EFCAB7: variants seen among roughly 807,000 people sequenced by gnomAD.
EFCAB7 encodes EF-hand calcium-binding domain-containing protein 7.
In EFCAB7, 66 loss-of-function variants were observed where a neutral mutation model predicts 77.1. The observed-to-expected ratio is 0.86, with a 90% CI of 0.70 to 1.05. EFCAB7 has a LOEUF of 1.05. Among genes scored for constraint, EFCAB7 ranks in the 50% least tolerant of loss-of-function variants. The pLI, the probability that EFCAB7 is intolerant of heterozygous loss-of-function variation, is 0.00. For missense variants in EFCAB7, 638 were observed against 730.5 expected (o/e 0.87, Z 1.46); for synonymous variants, 225 against 243.3 (o/e 0.92, Z 0.70).
At chr1:63,561,388 C>G (rs1427931323) in intron 10 of EFCAB7, among the ~76,000 whole-genome samples, 1 of 152,096 alleles carries the variant, frequency 6.6e-6, no homozygotes, top group Non-Finnish European at 1.5e-5. Flanking sequence ...AACGTATGCT[C>G]TAAATAACCA....
chr1:63,580,307 C>T, the EFCAB7 span, among the ~76,000 whole-genome samples: 14 of 152,070 alleles, frequency 9.2e-5, no homozygotes, highest in Admixed American at 5.2e-4. Flanking sequence ...CCAATATCAT[C>T]GGTTGAAAAG....
Position 63,555,460 on chromosome 1 carries a change from G to A in EFCAB7, c.1159G>A (p.Ala387Thr). The change falls in exon 9 of 14, where the codon GCC (alanine) becomes ACC (threonine). Residue 387 changes from alanine to threonine, a missense_variant. Ala to Thr is a moderately conservative substitution (Grantham distance 58). Coordinates refer to ENST00000371088, the MANE Select transcript of EFCAB7 (RefSeq NM_032437.4). ...AAAAATAAAACCAGTAACAGATGAA[G>A]CCCAACTTGTATATAGAGATGAAAC... is the stretch of plus-strand genomic sequence containing the variant. ...RKKIKPVTDEAQLVYRDETGE... is the reference protein window; with the variant it reads ...RKKIKPVTDETQLVYRDETGE... 6.2e-7 allele frequency: 1 copy of A among 1,613,936 alleles called. No individual in the cohort carries two copies. The highest frequency in any genetic ancestry group is 8.5e-7 in the Non-Finnish European group (1 of 1,179,922).
chr1:63,544,605 G>GT (rs757494558), intron 6 of EFCAB7, among the ~76,000 whole-genome samples: 2 of 151,618 alleles, frequency 1.3e-5, no homozygotes. Flanking sequence ...TAAAGACGGG[G>GT]TTTCACCATG....
At chr1:63,568,141 A>G (rs373466951) in intron 11 of EFCAB7, among the ~76,000 whole-genome samples, 169 bp from the exon 12 acceptor site, 5 of 152,188 alleles carry the variant, frequency 3.3e-5, no homozygotes, top group East Asian at 1.9e-4. Context: ...CCAAAAAGTC[A>G]GGATTTCATG....
rs1647193521 is a variant in EFCAB7, at chr1:63,568,373, A to G, written c.1561A>G (p.Met521Val). 3 of 1,597,850 alleles carry G rather than the reference A, an allele frequency of 1.9e-6. No individual in the cohort carries two copies. The highest frequency in any genetic ancestry group is 1.8e-5 in the Admixed American group (1 of 56,418). Residue 521 changes from methionine to valine, a missense_variant, in exon 12 of 14, where the codon ATG becomes GTG. Physicochemically the swap from Met to Val is conservative, Grantham distance 21. Coordinates refer to ENST00000371088, the MANE Select transcript of EFCAB7 (RefSeq NM_032437.4). ...CAAGCCAAAAATTAAAGCTGTCCAT[A>G]TGGAGGCATGTAGTGGACAACTTGA... ...KCKPKIKAVH[M>V]EACSGQLEKA...
At chr1:63,527,904 A>T (rs1474581914) in intron 2 of EFCAB7, 1 of 152,216 alleles carries the variant, frequency 6.6e-6, no homozygotes, top group African/African-American at 2.4e-5. Context: ...TGAACAGAAG[A>T]TATAATTTTC....
chr1:63,579,386 T>C, the EFCAB7 span, among the ~76,000 whole-genome samples: 3 of 152,238 alleles, frequency 2.0e-5, no homozygotes, highest in Non-Finnish European at 2.9e-5. Flanking sequence ...CCAAATTGTA[T>C]GTATCAATAG....
intron 13 of EFCAB7, among the ~76,000 whole-genome samples, chr1:63,571,566 G>A (rs933975284): frequency 1.3e-5 from 2 of 150,522 alleles, no homozygotes; most frequent in African/African-American, 4.9e-5. Flanking sequence ...CCAGCTACTC[G>A]GGAGGCTGAG....
At chr1:63,527,472 C>A (rs1395642939) in intron 2 of EFCAB7, among the ~76,000 whole-genome samples, 2 of 151,996 alleles carry the variant, frequency 1.3e-5, no homozygotes, top group Non-Finnish European at 2.9e-5. Context: ...TCAGAGACAG[C>A]GGTAGCATTA....
chr1:63,584,537 G>A, the EFCAB7 span, among the ~76,000 whole-genome samples: 1 of 152,148 alleles, frequency 6.6e-6, no homozygotes, highest in Non-Finnish European at 1.5e-5. Context: ...GGGCAATGGA[G>A]CAAGATCTTG....
chr1:63,581,190 T>A, the EFCAB7 span, among the ~76,000 whole-genome samples: 20 of 152,220 alleles, frequency 1.3e-4, no homozygotes, highest in Non-Finnish European at 2.6e-4. Flanking sequence ...ACCACTATTT[T>A]ATGTTAGCTG....
intron 2 of EFCAB7, among the ~76,000 whole-genome samples, chr1:63,527,586 G>A (rs1646617344): frequency 2.0e-5 from 3 of 152,134 alleles, no homozygotes; most frequent in Admixed American, 2.0e-4. Context: ...ATATCATGGT[G>A]TCAAAATTTA....
chr1:63,562,487 A>C (rs1053083215), intron 11 of EFCAB7, among the ~76,000 whole-genome samples: 6 of 66,008 alleles, frequency 9.1e-5, no homozygotes, highest in Non-Finnish European at 1.4e-4. Flanking sequence ...ATATATATAT[A>C]TATATATAAA....
intron 8 of EFCAB7, 34 bp from the exon 9 acceptor site, chr1:63,555,324 T>C (rs2100910046): frequency 6.3e-7 from 1 of 1,577,372 alleles, no homozygotes; most frequent in South Asian, 1.2e-5. Context: ...AGATTAAGAC[T>C]GATGATTGTT....
chr1:63,550,501 A>T (rs538761848), intron 7 of EFCAB7: 9 of 152,232 alleles, frequency 5.9e-5, no homozygotes, highest in Non-Finnish European at 7.4e-5. Flanking sequence ...TACACCTTTT[A>T]TTAAGAGTTT....
chr1:63,565,020 T>C (rs1391433025), intron 11 of EFCAB7, among the ~76,000 whole-genome samples: 2 of 152,180 alleles, frequency 1.3e-5, no homozygotes, highest in East Asian at 1.9e-4. Context: ...ATGCAGAAGA[T>C]TGAAACTGGA....
intron 6 of EFCAB7, among the ~76,000 whole-genome samples, chr1:63,535,099 A>C (rs1165285684): frequency 6.6e-6 from 1 of 152,074 alleles, no homozygotes; most frequent in African/African-American, 2.4e-5. Flanking sequence ...ATTATTAATA[A>C]AATTAACTTA....
chr1:63,577,363 A>C (rs1647454576), downstream of EFCAB7, among the ~76,000 whole-genome samples: 1 of 152,230 alleles, frequency 6.6e-6, no homozygotes, highest in Non-Finnish European at 1.5e-5. Flanking sequence ...AAGAGTAAGC[A>C]AGTTAAATTC....
In EFCAB7 at chr1:63,530,287, C is replaced by T. The variant is rs554123435; in HGVS notation, c.188-1533C>T. 5.9e-5 allele frequency among the ~76,000 whole-genome samples: 9 copies of T among 152,080 alleles called. No individual in the cohort carries two copies. In the South Asian group the frequency reaches 1.0e-3, roughly 18 times the overall value. ...CATTTTTTGATGCTGATTGGTGATG[C>T]GCAGATCTTGTGAATTTCTATAAAG... On this transcript the variant is annotated intron_variant, in intron 2 of 13. Coordinates refer to ENST00000371088, the MANE Select transcript of EFCAB7 (RefSeq NM_032437.4).
Sources: gnomAD v4.1 joint callset for allele counts (sites outside exome capture counted in the v4.1 genomes callset) on GRCh38, gnomAD v4.1.1 for gene constraint, MANE v1.5 for transcripts, NCBI Gene and HGNC (gene_info 2026-07-23, HGNC 2026-07-21) for gene names.